Variants in CSMD1 observed in about 807,000 individuals in gnomAD.
CSMD1 encodes CUB and sushi domain-containing protein 1.
CSMD1 carries 213 observed loss-of-function variants against 417.5 expected under a neutral mutation model. The observed-to-expected ratio is 0.51, with a 90% confidence interval of 0.46 to 0.57. The LOEUF (loss-of-function observed/expected upper bound fraction) is 0.57. Among genes scored for constraint, CSMD1 ranks in the 20% least tolerant of loss-of-function variants. CSMD1 has a pLI of 0.00. For synonymous variants in CSMD1, 2,862 were observed against 1,736.8 expected (o/e 1.65, Z -16.11); for missense variants, 6,923 against 4,529.7 (o/e 1.53, Z -15.17).
At chr8:3,708,325 T>G in intron 7 of CSMD1, 89 bp downstream of exon 7, 2 of 998,278 alleles carry the variant, frequency 2.0e-6, no homozygotes, top group South Asian at 2.7e-5. Context: ...GTGGGGAAGG[T>G]GGTGGGTGGG....
rs140919331 is a variant in CSMD1, at chr8:3,977,413, T to C, written c.818+20490A>G. On this transcript the variant is annotated intron_variant, in intron 5 of 69. Coordinates refer to ENST00000635120, the MANE Select transcript of CSMD1 (RefSeq NM_033225.6). ...GAAATTTCTAAAGGTTTTGTTTTTGTTGTTGTTCCTGTTTTTTCCATGTTC... is the reference window on the plus strand; with the variant it reads ...GAAATTTCTAAAGGTTTTGTTTTTGCTGTTGTTCCTGTTTTTTCCATGTTC... Among the ~76,000 whole-genome samples, 509 of 152,348 alleles carry C rather than the reference T, an allele frequency of 3.3e-3. 2 individuals carry two copies. The highest frequency in any genetic ancestry group is 0.011 in the African/African-American group (463 of 41,580).
chr8:4,840,274 C>T (rs770732805), intron 1 of CSMD1, among the ~76,000 whole-genome samples: 1 of 68,590 alleles, frequency 1.5e-5, no homozygotes, highest in African/African-American at 4.3e-5. Flanking sequence ...AGTATTCCTG[C>T]TTTAAGATGT....
intron 5 of CSMD1, among the ~76,000 whole-genome samples, chr8:3,917,809 A>T (rs190346572): frequency 1.9e-4 from 29 of 152,102 alleles, no homozygotes; most frequent in Non-Finnish European, 4.0e-4. Flanking sequence ...GCCATTAGCA[A>T]TATTAGTTGT....
chr8:3,967,042 G>C (rs1563263596), intron 5 of CSMD1, among the ~76,000 whole-genome samples: 2 of 152,058 alleles, frequency 1.3e-5, no homozygotes, highest in Non-Finnish European at 1.5e-5. Context: ...TTTTAGTTGA[G>C]GTAATCCAGA....
intron 6 of CSMD1, among the ~76,000 whole-genome samples, chr8:3,712,076 T>C (rs1267946779): frequency 2.0e-5 from 3 of 152,202 alleles, no homozygotes; most frequent in East Asian, 1.9e-4. Flanking sequence ...AGGGAATATA[T>C]GTATTTATTT....
At chr8:3,641,352 G>A (rs959173060) in intron 7 of CSMD1, among the ~76,000 whole-genome samples, 3 of 152,098 alleles carry the variant, frequency 2.0e-5, no homozygotes, top group South Asian at 2.1e-4. Flanking sequence ...CCCAAGTGGA[G>A]CCCTTCATTT....
chr8:4,450,164 T>A (rs919786040), intron 2 of CSMD1, among the ~76,000 whole-genome samples: 3 of 152,148 alleles, frequency 2.0e-5, no homozygotes, highest in African/African-American at 7.2e-5. Context: ...ATGGTTGATA[T>A]ACGTAGAGTA....
chr8:4,409,642 CTTT>C (rs61368925), intron 3 of CSMD1, among the ~76,000 whole-genome samples: 42,895 of 141,472 alleles, frequency 0.3, 8,087 homozygotes, highest in African/African-American at 0.54. Flanking sequence ...GACTTTTTTT[CTTT>C]TTTTTTTTTT....
chr8:3,575,278 G>T (rs76402858), intron 9 of CSMD1, among the ~76,000 whole-genome samples: 58 of 151,812 alleles, frequency 3.8e-4, no homozygotes, highest in Admixed American at 9.8e-4. Context: ...GCAGTGTTAC[G>T]CTGGGACACT....
intron 1 of CSMD1, among the ~76,000 whole-genome samples, chr8:4,779,884 C>T (rs1336991086): frequency 6.6e-6 from 1 of 151,996 alleles, no homozygotes; most frequent in East Asian, 1.9e-4. Context: ...CTTGCTGCTT[C>T]GGGGCCTTGC....
intron 6 of CSMD1, among the ~76,000 whole-genome samples, chr8:3,752,224 G>T (rs1387134290): frequency 6.6e-6 from 1 of 151,162 alleles, no homozygotes; most frequent in East Asian, 1.9e-4. Context: ...CTGGCTCCAG[G>T]TGAAGGGAAA....
At chr8:3,673,694 G>A (rs1006325487) in intron 7 of CSMD1, among the ~76,000 whole-genome samples, 3 of 152,116 alleles carry the variant, frequency 2.0e-5, no homozygotes, top group Middle Eastern at 3.2e-3. Flanking sequence ...CACCCAATCA[G>A]CTGGCTTGCT....
chr8:3,490,757 C>A (rs529246402), intron 11 of CSMD1, among the ~76,000 whole-genome samples: 1 of 152,148 alleles, frequency 6.6e-6, no homozygotes, highest in Admixed American at 6.5e-5. Context: ...CTGTTCCCAA[C>A]CCTGTCCCAG....
chr8:4,218,558 GTTGT>G (rs1464261604), intron 3 of CSMD1, among the ~76,000 whole-genome samples: 6 of 152,100 alleles, frequency 3.9e-5, no homozygotes, highest in Admixed American at 6.5e-5. Flanking sequence ...TCTGAGTCAA[GTTGT>G]CTATGTTCTC....
At chr8:4,715,195 G>A (rs994819241) in intron 1 of CSMD1, among the ~76,000 whole-genome samples, 1 of 152,220 alleles carries the variant, frequency 6.6e-6, no homozygotes, top group African/African-American at 2.4e-5. Context: ...AAAAGAAAAC[G>A]AAGAAATATG....
intron 3 of CSMD1, among the ~76,000 whole-genome samples, chr8:4,037,340 C>T (rs3860856): frequency 2.6e-4 from 40 of 152,076 alleles, no homozygotes; most frequent in African/African-American, 9.7e-4. Flanking sequence ...ACCTACCAAG[C>T]ACTTGAAGTG....
chr8:2,975,215 T>C (rs997371976), intron 55 of CSMD1, among the ~76,000 whole-genome samples: 4 of 152,226 alleles, frequency 2.6e-5, no homozygotes, highest in Admixed American at 6.5e-5. Flanking sequence ...AATCTCATTA[T>C]TTCCCTTCAT....
At chr8:3,721,209 T>A (rs11136656) in intron 6 of CSMD1, among the ~76,000 whole-genome samples, 3 of 152,024 alleles carry the variant, frequency 2.0e-5, no homozygotes, top group Non-Finnish European at 4.4e-5. Context: ...TTCAAAGGAA[T>A]GCAATTTTAT....
intron 54 of CSMD1, among the ~76,000 whole-genome samples, chr8:2,982,705 T>C (rs892575212): frequency 6.6e-6 from 1 of 152,222 alleles, no homozygotes; most frequent in Non-Finnish European, 1.5e-5. Context: ...TGTTTCCCTT[T>C]TAATTCCCTT....
Sources: gnomAD v4.1 joint callset for allele counts (sites outside exome capture counted in the v4.1 genomes callset) on GRCh38, gnomAD v4.1.1 for gene constraint, MANE v1.5 for transcripts, NCBI Gene and HGNC (gene_info 2026-07-23, HGNC 2026-07-21) for gene names.